Variants in RAB35 observed in about 807,000 individuals in gnomAD.
RAB35 encodes the protein RAB35, member RAS oncogene family, also known as ras-related protein Rab-35.
A neutral mutation model predicts 28.9 loss-of-function variants in RAB35; 4 were observed. The observed-to-expected ratio is 0.14, with a 90% CI of 0.07 to 0.32. RAB35 has a LOEUF of 0.32. Ranked by LOEUF, RAB35 falls within the 10% of genes least tolerant of loss-of-function variation. The pLI is 1.00. For missense variants in RAB35, 128 were observed against 274.0 expected (o/e 0.47, Z 3.76); for synonymous variants, 99 against 105.1 (o/e 0.94, Z 0.35).
rs950052857 is a variant in RAB35 at position 120,095,446 on chromosome 12, G to C, written c.*1799C>G. On this transcript the variant is annotated 3_prime_UTR_variant, in exon 6 of 6. Transcript: ENST00000229340. ...TTGCAAGCACACCCTCGCTGGCCTC[G>C]CCTGATCGCTCAGAGGCCAGCATGC... 1 of 151,456 alleles carries C rather than the reference G, an allele frequency of 6.6e-6. No individual in the cohort carries two copies. Among genetic ancestry groups the C allele is most frequent in the Admixed American group, 6.6e-5 (1 of 15,146 alleles). 9.4% of individuals were successfully genotyped at this position (151,456 alleles called of 1,614,324 possible).
chr12:120,110,317 C>A (rs1423566859), intron 1 of RAB35, among the ~76,000 whole-genome samples: 3 of 26,450 alleles, frequency 1.1e-4, no homozygotes, highest in African/African-American at 6.4e-4. Flanking sequence ...AGAGATAGGG[C>A]CTTACTCTGT....
Position 120,100,275 on chromosome 12 carries a change from C to T in RAB35, c.228-1121G>A, listed in dbSNP as rs1209301426. On this transcript the variant is annotated intron_variant, in intron 3 of 5. Transcript: ENST00000229340. Reference sequence around the variant, plus strand: ...TGGCCAATGCTTCACATCTGAGGCCCGATCTAAGGACAAAGACCAACCCTG... The same window carrying T: ...TGGCCAATGCTTCACATCTGAGGCCTGATCTAAGGACAAAGACCAACCCTG... Among the ~76,000 whole-genome samples the T allele has an allele frequency of 2.6e-5, 4 of 152,206 alleles. No homozygotes were observed. The East Asian group carries it at 5.8e-4, about 22-fold the overall frequency.
chr12:120,113,625 T>C (rs1030120355), intron 1 of RAB35, among the ~76,000 whole-genome samples: 1 of 152,224 alleles, frequency 6.6e-6, no homozygotes, highest in Non-Finnish European at 1.5e-5. Flanking sequence ...GAGACCATAC[T>C]GGCTAAAATG....
chr12:120,096,867 G>A lies in RAB35; in HGVS notation c.*378C>T, dbSNP rs779778885. 3.1e-4 allele frequency: 400 copies of A among 1,301,690 alleles called. No individual in the cohort carries two copies. Among genetic ancestry groups the A allele is most frequent in the Non-Finnish European group, 3.9e-4 (386 of 997,150 alleles). The allele number at this position is 1,301,690 out of a possible 1,614,324, so 80.6% of individuals were successfully genotyped here. On this transcript the variant is annotated 3_prime_UTR_variant, in exon 6 of 6. Transcript: ENST00000229340. The stretch of plus-strand genomic sequence containing the variant: ...GCAGTAAGATGGGCTGGGGAGGGGC[G>A]CGGGGAGGGTCTGTTGCAGCAGGCT...
intron 2 of RAB35, among the ~76,000 whole-genome samples, chr12:120,105,608 C>A (rs558057282): frequency 6.6e-6 from 1 of 152,084 alleles, no homozygotes; most frequent in African/African-American, 2.4e-5. Flanking sequence ...CTTCGACACG[C>A]AGGATAGCCC....
chr12:120,112,768 A>C (rs1239289488), intron 1 of RAB35, among the ~76,000 whole-genome samples: 1 of 147,330 alleles, frequency 6.8e-6, no homozygotes, highest in Non-Finnish European at 1.5e-5. Flanking sequence ...TCTGTCACCC[A>C]GGCTGGAGTG....
intron 3 of RAB35, among the ~76,000 whole-genome samples, chr12:120,099,881 A>AGGG (rs1433375729): frequency 6.7e-6 from 1 of 150,316 alleles, no homozygotes; most frequent in Non-Finnish European, 1.5e-5. Flanking sequence ...CCGGAGGAGG[A>AGGG]GGGGGACCAC....
rs914704177 is a variant in RAB35, at chr12:120,095,428, C to G, written c.*1817G>C. ...CCCTCTTATTGCTTGAATTTGCAAG[C>G]ACACCCTCGCTGGCCTCGCCTGATC... is the stretch of plus-strand genomic sequence containing the variant. On this transcript the variant is annotated 3_prime_UTR_variant, in exon 6 of 6. Coordinates refer to ENST00000229340, the MANE Select transcript of RAB35 (RefSeq NM_006861.7). 3 of 152,236 alleles carry G rather than the reference C, an allele frequency of 2.0e-5. No homozygotes were observed. Among genetic ancestry groups the G allele is most frequent in the Non-Finnish European group, 4.4e-5 (3 of 67,938 alleles). 9.4% of individuals were successfully genotyped at this position (152,236 alleles called of 1,614,324 possible).
chr12:120,110,881 G>GAGCTCAA (rs1389961743), intron 1 of RAB35, among the ~76,000 whole-genome samples: 1 of 152,236 alleles, frequency 6.6e-6, no homozygotes, highest in Non-Finnish European at 1.5e-5. Context: ...GCTCCGCCGT[G>GAGCTCAA]AGGCTTCCTG....
rs1487348336 is a variant in RAB35 at position 120,096,548 on chromosome 12, T to C, written c.*697A>G. 1 of 1,289,828 alleles carries C rather than the reference T, an allele frequency of 7.8e-7. No homozygotes were observed. The highest frequency in any genetic ancestry group is 1.2e-5 in the South Asian group (1 of 81,032). 79.9% of individuals were successfully genotyped at this position (1,289,828 alleles called of 1,614,324 possible). A position where few individuals can be genotyped will look rare whatever the true frequency, so the allele number is the denominator to read the frequency against. Reference sequence around the variant, plus strand: ...GCCCTGGGTTTGGAGCTCAGAGGCATCTAGAAGGCAGGACAAGAAATCTGT... The same window carrying C: ...GCCCTGGGTTTGGAGCTCAGAGGCACCTAGAAGGCAGGACAAGAAATCTGT... On this transcript the variant is annotated 3_prime_UTR_variant, in exon 6 of 6. Coordinates refer to ENST00000229340, the MANE Select transcript of RAB35 (RefSeq NM_006861.7).
intron 1 of RAB35, among the ~76,000 whole-genome samples, chr12:120,114,651 A>G (rs1566289436): frequency 6.6e-6 from 1 of 152,234 alleles, no homozygotes; most frequent in East Asian, 1.9e-4. Context: ...CTACGCCTAC[A>G]TGGCTGACCT....
rs754049049 is a variant in RAB35 at position 120,095,626 on chromosome 12, C to T, written c.*1619G>A. 177 of 152,330 alleles carry T rather than the reference C, an allele frequency of 1.2e-3. 1 individual carries two copies. Among genetic ancestry groups the T allele is most frequent in the Admixed American group, 2.0e-3 (30 of 15,290 alleles). The allele number at this position is 152,330 out of a possible 1,614,324, so 9.4% of individuals were successfully genotyped here. A position where few individuals can be genotyped will look rare whatever the true frequency, so the allele number is the denominator to read the frequency against. ...CTGCTGGTCAGCCCTGCAGCCCCCT[C>T]CACAGCACCCTCCTTCCCAGGCCCA... is the stretch of plus-strand genomic sequence containing the variant. On this transcript the variant is annotated 3_prime_UTR_variant, in exon 6 of 6. Coordinates refer to ENST00000229340, the MANE Select transcript of RAB35 (RefSeq NM_006861.7).
chr12:120,115,672 A>G (rs762290545), intron 1 of RAB35, among the ~76,000 whole-genome samples: 1 of 152,230 alleles, frequency 6.6e-6, no homozygotes, highest in Non-Finnish European at 1.5e-5. Context: ...TGTCTTAAGC[A>G]TGTACTGGGT....
At chr12:120,111,134 T>G (rs549323072) in intron 1 of RAB35, among the ~76,000 whole-genome samples, 4 of 152,308 alleles carry the variant, frequency 2.6e-5, no homozygotes, top group Middle Eastern at 6.8e-3. Flanking sequence ...AAACACTGCT[T>G]AATGAATTTC....
At chr12:120,110,080 C>T (rs1032154945) in intron 1 of RAB35, among the ~76,000 whole-genome samples, 2 of 152,200 alleles carry the variant, frequency 1.3e-5, no homozygotes, top group South Asian at 2.1e-4. Context: ...GCATCCAGGC[C>T]GGACTCCTCC....
chr12:120,108,509 C>A, intron 1 of RAB35, 42 bp from the exon 2 acceptor site: 1 of 1,576,030 alleles, frequency 6.3e-7, no homozygotes, highest in Non-Finnish European at 8.7e-7. Context: ...GCAGGTGGGT[C>A]CCCTCCCCGC....
At chr12:120,106,382 C>T (rs1368591679) in intron 2 of RAB35, among the ~76,000 whole-genome samples, 1 of 152,168 alleles carries the variant, frequency 6.6e-6, no homozygotes, top group East Asian at 1.9e-4. Flanking sequence ...CCTATAACAA[C>T]CCCATGGGGA....
chr12:120,097,311 C>T lies in RAB35; in HGVS notation c.540G>A (p.Gln180=). 1 of 1,613,860 alleles carries T rather than the reference C, an allele frequency of 6.2e-7. No homozygotes were observed. The highest frequency in any genetic ancestry group is 8.5e-7 in the Non-Finnish European group (1 of 1,180,046). ...RAKKDNLAKQ[Q]QQQQNDVVKL... ...TCACCACATCGTTCTGTTGTTGCTG[C>T]TGCTGTTTTGCCAGGTTGTCTTTCT... is the stretch of plus-strand genomic sequence containing the variant. The change falls in exon 6 of 6, where the codon CAG becomes CAA. Residue 180 remains glutamine, a synonymous_variant. Transcript: ENST00000229340.
At chr12:120,098,251 T>A (rs1227311810) in intron 5 of RAB35, among the ~76,000 whole-genome samples, 1 of 152,124 alleles carries the variant, frequency 6.6e-6, no homozygotes, top group East Asian at 1.9e-4. Flanking sequence ...TGACCCGGGG[T>A]CTGCCTGCTC....
Sources: gnomAD v4.1 joint callset for allele counts (sites outside exome capture counted in the v4.1 genomes callset) on GRCh38, gnomAD v4.1.1 for gene constraint, MANE v1.5 for transcripts, NCBI Gene and HGNC (gene_info 2026-07-23, HGNC 2026-07-21) for gene names.